Variants in DCC observed in about 807,000 individuals in gnomAD.
The protein encoded by DCC is DCC netrin 1 receptor.
DCC carries 58 observed loss-of-function variants against 172.5 expected under a neutral mutation model. That is an observed-to-expected ratio of 0.34 (90% CI 0.27 to 0.42). DCC has a LOEUF of 0.42. DCC is among the 10% of genes least tolerant of loss of function. The pLI is 1.00. For synonymous variants in DCC, 709 were observed against 644.5 expected (o/e 1.10, Z -1.52); for missense variants, 1,740 against 1,791.0 (o/e 0.97, Z 0.51).
chr18:53,291,617 A>G (rs2057005879), intron 12 of DCC, among the ~76,000 whole-genome samples: 1 of 152,188 alleles, frequency 6.6e-6, no homozygotes, highest in Non-Finnish European at 1.5e-5. Context: ...GTAATTTTAC[A>G]TATAACTCCC....
At chr18:53,064,586 A>G (rs1282321329) in intron 6 of DCC, among the ~76,000 whole-genome samples, 1 of 152,128 alleles carries the variant, frequency 6.6e-6, no homozygotes, top group Non-Finnish European at 1.5e-5. Context: ...AAACTTTCAT[A>G]ATATCTGTGT....
intron 1 of DCC, among the ~76,000 whole-genome samples, chr18:52,474,355 C>T (rs1355655333): frequency 6.6e-6 from 1 of 151,896 alleles, no homozygotes; most frequent in Non-Finnish European, 1.5e-5. Context: ...CCTTATAAGA[C>T]TCATTAAAAG....
chr18:52,618,399 A>G (rs2034422924), intron 1 of DCC, among the ~76,000 whole-genome samples: 1 of 152,226 alleles, frequency 6.6e-6, no homozygotes, highest in African/African-American at 2.4e-5. Flanking sequence ...TGTCATCTTT[A>G]GCAGCCTCTT....
intron 12 of DCC, among the ~76,000 whole-genome samples, chr18:53,289,558 T>C (rs2056976801): frequency 6.6e-6 from 1 of 152,156 alleles, no homozygotes; most frequent in Non-Finnish European, 1.5e-5. Flanking sequence ...AATATGCCTG[T>C]TTCAGCACCA....
At chr18:52,823,702 T>C (rs755631998) in intron 2 of DCC, among the ~76,000 whole-genome samples, 4 of 152,330 alleles carry the variant, frequency 2.6e-5, no homozygotes, top group Middle Eastern at 6.8e-3. Flanking sequence ...TAGCTCTGAT[T>C]ATACTTCATG....
At chr18:53,511,845 C>G (rs542652332) in intron 27 of DCC, among the ~76,000 whole-genome samples, 2 of 151,828 alleles carry the variant, frequency 1.3e-5, no homozygotes, top group East Asian at 1.9e-4. Context: ...TAGCACAGCA[C>G]GGCAGTCTGA....
Position 53,410,663 on chromosome 18 carries a change from A to G in DCC, c.3130+17A>G, listed in dbSNP as rs371178227. On this transcript the variant is annotated intron_variant, in intron 20 of 28. Transcript: ENST00000442544. ...CTCTGAAAGGTTTGAATAATTTCCT[A>G]TTATGCTTTTCTTTTCCTGTGGGAT... is the stretch of plus-strand genomic sequence containing the variant. The G allele has an allele frequency of 1.2e-4, 168 of 1,437,288 alleles. No individual in the cohort carries two copies. In the African/African-American group the frequency reaches 1.7e-3, roughly 15 times the overall value. The allele number at this position is 1,437,288 out of a possible 1,614,324, so 89.0% of individuals were successfully genotyped here.
intron 2 of DCC, chr18:52,758,787 G>A (rs2037114740): frequency 6.6e-6 from 1 of 151,974 alleles, no homozygotes; most frequent in African/African-American, 2.4e-5. Flanking sequence ...CTCTCTACAG[G>A]AGCAAATATA....
intron 7 of DCC, among the ~76,000 whole-genome samples, chr18:53,075,079 CT>C (rs77025059): frequency 6.7e-6 from 1 of 149,296 alleles, no homozygotes. Flanking sequence ...TGATAGCTTT[CT>C]TCTAGCATAT....
intron 7 of DCC, among the ~76,000 whole-genome samples, chr18:53,078,986 A>T (rs529915036): frequency 6.2e-4 from 94 of 152,232 alleles, no homozygotes; most frequent in African/African-American, 2.1e-3. Context: ...ATCAGAACTG[A>T]TGTGTTCAGT....
rs766534593 is a variant in DCC at position 53,157,406 on chromosome 18, G to A, written c.1312G>A (p.Val438Ile). ...TTCGGCTCCCAGAGATGTGGTCCCTGTCTTGGTTTCCAGCCGATTTGTCCG... is the reference window on the plus strand; with the variant it reads ...TTCGGCTCCCAGAGATGTGGTCCCTATCTTGGTTTCCAGCCGATTTGTCCG... Reference protein sequence around the residue: ...LPSAPRDVVPVLVSSRFVRLS... With the variant: ...LPSAPRDVVPILVSSRFVRLS... Residue 438 changes from valine to isoleucine, a missense_variant, in exon 8 of 29, where the codon GTC becomes ATC. Coordinates refer to ENST00000442544, the MANE Select transcript of DCC (RefSeq NM_005215.4). The A allele has an allele frequency of 2.5e-6, 4 of 1,614,002 alleles. No individual in the cohort carries two copies. The highest frequency in any genetic ancestry group is 8.5e-7 in the Non-Finnish European group (1 of 1,180,012).
chr18:52,761,603 A>G (rs370695966), intron 2 of DCC, among the ~76,000 whole-genome samples: 1 of 152,128 alleles, frequency 6.6e-6, no homozygotes, highest in Non-Finnish European at 1.5e-5. Flanking sequence ...AAATTTCCAA[A>G]TTTATCTTTT....
intron 15 of DCC, among the ~76,000 whole-genome samples, chr18:53,341,272 C>A (rs1482859906): frequency 6.6e-6 from 1 of 152,146 alleles, no homozygotes; most frequent in Admixed American, 6.6e-5. Context: ...GAATGTGCTG[C>A]AAACTCAGAA....
At chr18:53,128,904 T>TATATATATATATATATA (rs2043610955) in intron 7 of DCC, among the ~76,000 whole-genome samples, 3 of 139,650 alleles carry the variant, frequency 2.1e-5, no homozygotes, top group African/African-American at 2.7e-5. Flanking sequence ...TATATATATA[T>TATATATATATATATATA]TATTTGGAGT....
intron 14 of DCC, among the ~76,000 whole-genome samples, chr18:53,333,777 C>T (rs377733065): frequency 1.3e-5 from 2 of 152,306 alleles, no homozygotes; most frequent in African/African-American, 4.8e-5. Flanking sequence ...TACATGCTCA[C>T]ACTATATCTG....
chr18:52,590,158 G>GGT lies in DCC; in HGVS notation c.92-161873_92-161872dup, dbSNP rs4041438. Among the ~76,000 whole-genome samples, 479 of 149,038 alleles carry GGT rather than the reference G, an allele frequency of 3.2e-3. 3 individuals are homozygous for GGT. Among genetic ancestry groups the GGT allele is most frequent in the African/African-American group, 0.011 (453 of 40,694 alleles). On this transcript the variant is annotated intron_variant, in intron 1 of 28. Transcript: ENST00000442544. The stretch of plus-strand genomic sequence containing the variant: ...TCCACTGGTGTGCCTTGGTATAAAT[G>GGT]GTGTGTGTGTGTGTGTGTGTGTGTA...
chr18:52,852,046 T>A (rs954623271), intron 2 of DCC, among the ~76,000 whole-genome samples: 10 of 152,114 alleles, frequency 6.6e-5, no homozygotes, highest in African/African-American at 2.4e-4. Context: ...TTTTCCAAAT[T>A]TCAATAGCAA....
At chr18:53,465,371 T>C (rs1250719544) in intron 24 of DCC, among the ~76,000 whole-genome samples, 1 of 152,192 alleles carries the variant, frequency 6.6e-6, no homozygotes, top group Non-Finnish European at 1.5e-5. Flanking sequence ...CAATTCTGTT[T>C]GGTAGTTCTC....
At chr18:53,417,101 G>A (rs1404584149) in intron 21 of DCC, among the ~76,000 whole-genome samples, 3 of 152,152 alleles carry the variant, frequency 2.0e-5, no homozygotes, top group East Asian at 3.9e-4. Flanking sequence ...ACTTGCAAAC[G>A]TGTCTCATAA....
Sources: gnomAD v4.1 joint callset for allele counts (sites outside exome capture counted in the v4.1 genomes callset) on GRCh38, gnomAD v4.1.1 for gene constraint, MANE v1.5 for transcripts, NCBI Gene and HGNC (gene_info 2026-07-23, HGNC 2026-07-21) for gene names.